The following ZFYVE1 variants were observed in gnomAD, a reference collection of about 807,000 sequenced individuals.
ZFYVE1 encodes the protein zinc finger FYVE domain-containing protein 1.
ZFYVE1 carries 30 observed loss-of-function variants against 74.4 expected under a neutral mutation model. That is an observed-to-expected ratio of 0.40 (90% CI 0.30 to 0.55). ZFYVE1 has a LOEUF of 0.55. ZFYVE1 is among the 20% of genes least tolerant of loss of function. The probability of loss-of-function intolerance (pLI) is 0.42; values close to 1 mark genes in which losing one functional copy is unlikely to be tolerated. For missense variants in ZFYVE1, 703 were observed against 1,011.6 expected (o/e 0.69, Z 4.14); for synonymous variants, 335 against 385.1 (o/e 0.87, Z 1.52).
chr14:73,020,331 T>G (rs1894291583), intron 2 of ZFYVE1, among the ~76,000 whole-genome samples: 2 of 150,516 alleles, frequency 1.3e-5, no homozygotes, highest in Non-Finnish European at 1.5e-5. Context: ...AGGCATGCAG[T>G]TCACTGTTTT....
chr14:73,011,998 G>A (rs1008152859), intron 2 of ZFYVE1, among the ~76,000 whole-genome samples: 7 of 151,454 alleles, frequency 4.6e-5, no homozygotes, highest in Non-Finnish European at 7.4e-5. Flanking sequence ...GAAGGATCAT[G>A]TGAGGCCAGG....
At chr14:73,005,656 CG>C (rs1224160859) in intron 2 of ZFYVE1, among the ~76,000 whole-genome samples, 1 of 152,132 alleles carries the variant, frequency 6.6e-6, no homozygotes, top group Non-Finnish European at 1.5e-5. Context: ...CAGCTCCTAG[CG>C]ACACTCAGCG....
chr14:73,024,421 C>T lies in ZFYVE1; in HGVS notation c.88G>A (p.Ala30Thr). Residue 30 changes from alanine to threonine, a missense_variant, in exon 2 of 12, where the codon GCT becomes ACT. Ala to Thr is a moderately conservative substitution (Grantham distance 58). Around this residue, in one of 2 missense-constraint regions of ZFYVE1, gnomAD observed 211 missense variants for 221.7 expected, o/e 0.95. Transcript: ENST00000556143. Reference sequence around the variant, plus strand: ...CAGCACTCATCACACTCAAAGATAGCTTCATCAGTCCCGCTGCAAGCGTAA... The same window carrying T: ...CAGCACTCATCACACTCAAAGATAGTTTCATCAGTCCCGCTGCAAGCGTAA... ...ESYACSGTDEAIFECDECCSL... is the reference protein window; with the variant it reads ...ESYACSGTDETIFECDECCSL... The T allele has an allele frequency of 1.9e-6, 3 of 1,614,180 alleles. No homozygotes were observed. Among genetic ancestry groups the T allele is most frequent in the Non-Finnish European group, 1.7e-6 (2 of 1,180,032 alleles).
chr14:73,015,509 A>G (rs1279530350), intron 2 of ZFYVE1, among the ~76,000 whole-genome samples: 1 of 151,926 alleles, frequency 6.6e-6, no homozygotes, highest in African/African-American at 2.4e-5. Context: ...CTCCTGCCTC[A>G]GCCTCCTGAG....
Position 73,026,757 on chromosome 14 carries a change from CG to C in ZFYVE1, c.-435+168del, listed in dbSNP as rs528671137. 7.5e-3 allele frequency among the ~76,000 whole-genome samples: 1,128 copies of C among 150,556 alleles called. 17 individuals carry two copies. The highest frequency in any genetic ancestry group is 0.026 in the African/African-American group (1,067 of 40,688). On this transcript the variant is annotated intron_variant, in intron 1 of 11. Transcript: ENST00000556143. Reference sequence around the variant, plus strand: ...AGGTCCCCCAAAATCCCCCCCACGCCGGCAAAACCCGGAGCCGAATCCATTG... The same window carrying C: ...AGGTCCCCCAAAATCCCCCCCACGCCGCAAAACCCGGAGCCGAATCCATTG...
intron 2 of ZFYVE1, among the ~76,000 whole-genome samples, chr14:73,019,508 T>C (rs768385935): frequency 3.9e-5 from 6 of 152,198 alleles, no homozygotes; most frequent in African/African-American, 9.6e-5. Flanking sequence ...ACCTAACTGA[T>C]AGACACTTTA....
Position 72,978,919 on chromosome 14 carries a change from T to G in ZFYVE1, c.1361A>C (p.Glu454Ala). The G allele has an allele frequency of 6.2e-7, 1 of 1,614,060 alleles. No individual in the cohort carries two copies. The highest frequency in any genetic ancestry group is 8.5e-7 in the Non-Finnish European group (1 of 1,179,954). Reference sequence around the variant, plus strand: ...GGAGTATCTGCAGCGGCTCTTGGCTTCATGAGGCACTCCTTCCTTCCCATG... The same window carrying G: ...GGAGTATCTGCAGCGGCTCTTGGCTGCATGAGGCACTCCTTCCTTCCCATG... ...MNHGKEGVPHEAKSRCRYSHQ... is the reference protein window; with the variant it reads ...MNHGKEGVPHAAKSRCRYSHQ... The change falls in exon 6 of 12, where the codon GAA becomes GCA. Residue 454 changes from glutamate (E) to alanine (A), a missense_variant. By Grantham distance (107) the Glu-to-Ala change is moderately radical (BLOSUM62 -1). Around this residue, in one of 2 missense-constraint regions of ZFYVE1, gnomAD observed 492 missense variants for 790.0 expected, o/e 0.62. Transcript: ENST00000556143.
chr14:72,975,954 G>T lies in ZFYVE1; in HGVS notation c.1636-233C>A. The T allele has an allele frequency of 2.1e-6, 1 of 472,574 alleles. No homozygotes were observed. The highest frequency in any genetic ancestry group is 3.7e-6 in the Non-Finnish European group (1 of 271,152). 29.3% of individuals were successfully genotyped at this position (472,574 alleles called of 1,614,324 possible). A position where few individuals can be genotyped will look rare whatever the true frequency, so the allele number is the denominator to read the frequency against. ...GGACTTACTAAGCCCATATAATACA[G>T]GAGATGACACCTCCTCCAGGGGGCC... On this transcript the variant is annotated intron_variant, in intron 8 of 11. Coordinates refer to ENST00000556143, the MANE Select transcript of ZFYVE1 (RefSeq NM_021260.4). This position sits in a 1 kb window ranked among gnomAD's most constrained non-coding sequence, Gnocchi z 4.1.
At chr14:73,023,197 ATATATGTTTTATATATAATATATATTT>A (rs1894357575) in intron 2 of ZFYVE1, among the ~76,000 whole-genome samples, 3 of 137,624 alleles carry the variant, frequency 2.2e-5, no homozygotes, top group Non-Finnish European at 4.6e-5. Context: ...TATATATTTT[ATATATGTTTTATATATAATATATATTT>A]TATATGTTTT....
At position 72,974,244 on chromosome 14, in the gene ZFYVE1, T is replaced by C. The variant is rs573825261; in HGVS notation, c.1988-51A>G. 8.9e-6 allele frequency: 14 copies of C among 1,569,640 alleles called. No individual in the cohort carries two copies. In the African/African-American group the frequency reaches 1.6e-4, roughly 18 times the overall value. On this transcript the variant is annotated intron_variant, in intron 10 of 11. Coordinates refer to ENST00000556143, the MANE Select transcript of ZFYVE1 (RefSeq NM_021260.4). ...TGTCACCTCTAAGTCCTCTCCCAAATGGAAAACTCAGGGACCAATAGCAGA... is the reference window on the plus strand; with the variant it reads ...TGTCACCTCTAAGTCCTCTCCCAAACGGAAAACTCAGGGACCAATAGCAGA...
intron 4 of ZFYVE1, 117 bp from the exon 5 acceptor site, chr14:72,982,012 C>A: frequency 1.2e-6 from 1 of 826,204 alleles, no homozygotes; most frequent in Non-Finnish European, 2.0e-6. Flanking sequence ...GTAACTTCTG[C>A]TCATTACCCT....
At position 72,975,058 on chromosome 14, in the gene ZFYVE1, G is replaced by C; in HGVS notation, c.1807-99C>G. The stretch of plus-strand genomic sequence containing the variant: ...AGACCCCGGAGCAAGCAGAAACTAA[G>C]GCAGGTGGCGTTAGCTCAACAAGGA... On this transcript the variant is annotated intron_variant, in intron 9 of 11. Transcript: ENST00000556143. This position sits in a 1 kb window ranked among gnomAD's most constrained non-coding sequence, Gnocchi z 4.1. 1.5e-6 allele frequency: 2 copies of C among 1,351,692 alleles called. No homozygotes were observed. Among genetic ancestry groups the C allele is most frequent in the Non-Finnish European group, 2.0e-6 (2 of 1,000,324 alleles). The allele number at this position is 1,351,692 out of a possible 1,614,324, so 83.7% of individuals were successfully genotyped here. A position where few individuals can be genotyped will look rare whatever the true frequency, so the allele number is the denominator to read the frequency against.
chr14:73,021,812 T>A (rs566020469), intron 2 of ZFYVE1, among the ~76,000 whole-genome samples: 1 of 152,162 alleles, frequency 6.6e-6, no homozygotes, highest in Non-Finnish European at 1.5e-5. Context: ...ACCAATATCA[T>A]CTCTGGGTAG....
At position 72,993,203 on chromosome 14, in the gene ZFYVE1, T is replaced by C. The variant is rs1292786950; in HGVS notation, c.1143A>G (p.Leu381=). The change falls in exon 4 of 12, where the codon CTA becomes CTG. Residue 381 remains leucine, a synonymous_variant. Coordinates refer to ENST00000556143, the MANE Select transcript of ZFYVE1 (RefSeq NM_021260.4). The part of the protein sequence containing the change: ...FSGLRRALEQ[L]LENNTTRSPR... ...GAGAACGGGTGGTGTTATTCTCTAG[T>C]AGCTGCTCCAAAGCACGCCGAAGCC... 1.2e-6 allele frequency: 2 copies of C among 1,613,808 alleles called. No homozygotes were observed. The highest frequency in any genetic ancestry group is 1.7e-5 in the Admixed American group (1 of 59,962).
chr14:72,979,652 T>TA (rs201080829), intron 5 of ZFYVE1, among the ~76,000 whole-genome samples: 172 of 137,092 alleles, frequency 1.3e-3, no homozygotes, highest in South Asian at 1.4e-3. Context: ...ACTCTGTCTT[T>TA]AAAAAAAAAA....
At chr14:72,982,777 G>A (rs975515740) in intron 4 of ZFYVE1, among the ~76,000 whole-genome samples, 20 of 152,088 alleles carry the variant, frequency 1.3e-4, no homozygotes, top group African/African-American at 3.6e-4. Context: ...TTCCATAAAC[G>A]GGCAGAAGAG....
At chr14:72,979,465 A>G (rs1893266971) in intron 5 of ZFYVE1, among the ~76,000 whole-genome samples, 1 of 151,958 alleles carries the variant, frequency 6.6e-6, no homozygotes, top group African/African-American at 2.4e-5. Flanking sequence ...CAGCCTGACC[A>G]ACATGGAGAA....
At chr14:72,998,650 T>C (rs548706396) in intron 2 of ZFYVE1, among the ~76,000 whole-genome samples, 107 of 152,278 alleles carry the variant, frequency 7.0e-4, no homozygotes, top group African/African-American at 2.3e-3. Flanking sequence ...GATTAGTCTA[T>C]AGTTCCTTAG....
chr14:73,004,969 C>G (rs373108060), intron 2 of ZFYVE1, among the ~76,000 whole-genome samples: 2 of 145,794 alleles, frequency 1.4e-5, no homozygotes, highest in African/African-American at 5.2e-5. Flanking sequence ...GTACTCCAGC[C>G]TGGGTGACAG....
Sources: gnomAD v4.1 joint callset for allele counts (sites outside exome capture counted in the v4.1 genomes callset) on GRCh38, gnomAD v4.1.1 for gene constraint, gnomAD v4.1.1 regional missense constraint, Gnocchi (gnomAD v3.1) non-coding constraint, MANE v1.5 for transcripts, NCBI Gene and HGNC (gene_info 2026-07-23, HGNC 2026-07-21) for gene names.